GAREM1: variants seen among roughly 807,000 people sequenced by gnomAD.
The protein encoded by GAREM1 is GRB2 associated regulator of MAPK1 subtype 1.
GAREM1 carries 26 observed loss-of-function variants against 71.3 expected under a neutral mutation model. The observed-to-expected ratio is 0.36, with a 90% CI of 0.27 to 0.51. The LOEUF (loss-of-function observed/expected upper bound fraction) is 0.51. GAREM1 is among the 20% of genes least tolerant of loss of function. The probability of loss-of-function intolerance (pLI) is 0.95; values close to 1 mark genes in which losing one functional copy is unlikely to be tolerated. For missense variants in GAREM1, 1,026 were observed against 1,103.1 expected (o/e 0.93, Z 0.99); for synonymous variants, 440 against 433.2 (o/e 1.02, Z -0.20).
rs773300195 is a variant in GAREM1, at chr18:32,343,807, T to G, written c.263-33484A>C. On this transcript the variant is annotated intron_variant, in intron 2 of 5. Coordinates refer to ENST00000269209, the MANE Select transcript of GAREM1 (RefSeq NM_001242409.2). ...TCTAGATCCATGTGAGCAGTCAGAA[T>G]GGACATCTGAGTGTCAGTAAGCCAC... Among the ~76,000 whole-genome samples the G allele has an allele frequency of 3.4e-4, 52 of 152,206 alleles. 1 individual carries two copies. Among genetic ancestry groups the G allele is most frequent in the Admixed American group, 2.0e-4 (3 of 15,284 alleles).
intron 3 of GAREM1, among the ~76,000 whole-genome samples, chr18:32,297,437 TG>T (rs2047153546): frequency 6.6e-6 from 1 of 152,240 alleles, no homozygotes; most frequent in South Asian, 2.1e-4. Context: ...TCTCAATAAA[TG>T]GAGGCCATCG....
rs1423133686 is a variant in GAREM1, at chr18:32,270,210, G to C, written c.1733+7C>G. ...AGCGTGCAGTGGGACCTGGCAGGAA[G>C]ACTTACATGTTGTGTAGCCCTGAAG... On this transcript the variant is annotated splice_region_variant and intron_variant, in intron 5 of 5. Coordinates refer to ENST00000269209, the MANE Select transcript of GAREM1 (RefSeq NM_001242409.2). 1.2e-6 allele frequency: 2 copies of C among 1,613,532 alleles called. No homozygotes were observed. Among genetic ancestry groups the C allele is most frequent in the South Asian group, 2.2e-5 (2 of 90,832 alleles).
chr18:32,380,683 A>G (rs1469495593), intron 2 of GAREM1, among the ~76,000 whole-genome samples: 12 of 152,250 alleles, frequency 7.9e-5, no homozygotes, highest in African/African-American at 2.4e-4. Flanking sequence ...TGTCCTGTGC[A>G]GTGCAGGATG....
intron 1 of GAREM1, among the ~76,000 whole-genome samples, chr18:32,449,282 A>G (rs911952988): frequency 1.3e-5 from 2 of 152,254 alleles, no homozygotes; most frequent in African/African-American, 4.8e-5. Context: ...GTTTGGGGGA[A>G]TATGGAAGAG....
intron 1 of GAREM1, among the ~76,000 whole-genome samples, chr18:32,423,273 C>T (rs978680280): frequency 6.6e-6 from 1 of 152,148 alleles, no homozygotes; most frequent in African/African-American, 2.4e-5. Flanking sequence ...TAAATGAGAA[C>T]ATCAGTGAGA....
chr18:32,393,557 C>T (rs2048223603), intron 1 of GAREM1, among the ~76,000 whole-genome samples: 1 of 152,076 alleles, frequency 6.6e-6, no homozygotes, highest in South Asian at 2.1e-4. Flanking sequence ...TTAATCACCA[C>T]AATAAAGCTA....
chr18:32,301,481 C>T (rs1598943157), intron 3 of GAREM1, among the ~76,000 whole-genome samples: 1 of 151,702 alleles, frequency 6.6e-6, no homozygotes, highest in East Asian at 1.9e-4. Flanking sequence ...AGCCAACCAA[C>T]CATTTGCTGA....
intron 1 of GAREM1, among the ~76,000 whole-genome samples, chr18:32,445,511 G>C (rs1406126344): frequency 6.6e-6 from 1 of 152,050 alleles, no homozygotes; most frequent in Non-Finnish European, 1.5e-5. Flanking sequence ...TTTAAAAAGA[G>C]AGAGAAAATA....
intron 2 of GAREM1, among the ~76,000 whole-genome samples, chr18:32,367,491 T>C (rs979804047): frequency 2.6e-5 from 4 of 152,222 alleles, no homozygotes; most frequent in Admixed American, 1.3e-4. Context: ...CCAAACTCCA[T>C]TGATTTATAG....
In GAREM1 at chr18:32,268,634, C is replaced by T. The variant is rs151175832; in HGVS notation, c.1868G>A (p.Arg623Gln). 170 of 1,613,980 alleles carry T rather than the reference C, an allele frequency of 1.1e-4. 1 individual carries two copies. The highest frequency in any genetic ancestry group is 6.7e-5 in the African/African-American group (5 of 74,894). Residue 623 changes from arginine (R) to glutamine (Q), a missense_variant, in exon 6 of 6, where the codon CGG becomes CAG. Coordinates refer to ENST00000269209, the MANE Select transcript of GAREM1 (RefSeq NM_001242409.2). ...GSPSAEAVSS[R>Q]LSWPNHYSGA... ...TGAATAATGGTTAGGCCATGAGAGCCGAGAGGACACAGCTTCAGCAGAAGG... is the reference window on the plus strand; with the variant it reads ...TGAATAATGGTTAGGCCATGAGAGCTGAGAGGACACAGCTTCAGCAGAAGG...
chr18:32,402,828 A>G (rs767677340), intron 1 of GAREM1, among the ~76,000 whole-genome samples: 44 of 152,128 alleles, frequency 2.9e-4, no homozygotes, highest in Non-Finnish European at 5.3e-4. Context: ...CTGAGGGTCA[A>G]TTATGTTCTA....
chr18:32,387,738 T>G (rs766262239), intron 2 of GAREM1, among the ~76,000 whole-genome samples: 5 of 152,222 alleles, frequency 3.3e-5, no homozygotes, highest in Non-Finnish European at 7.3e-5. Context: ...AATAAGGAGA[T>G]TCTTGTCACC....
At chr18:32,382,843 C>T (rs191812746) in intron 2 of GAREM1, among the ~76,000 whole-genome samples, 9 of 151,920 alleles carry the variant, frequency 5.9e-5, no homozygotes, top group Admixed American at 5.2e-4. Flanking sequence ...GAGGAAAGGA[C>T]CCTAGGTGGA....
chr18:32,364,035 T>G (rs1297571006), intron 2 of GAREM1, among the ~76,000 whole-genome samples: 23 of 93,134 alleles, frequency 2.5e-4, no homozygotes, highest in Admixed American at 6.4e-4. Context: ...TATGTTTTTT[T>G]TTTTTTTTTT....
chr18:32,399,991 C>T (rs545263004), intron 1 of GAREM1, among the ~76,000 whole-genome samples: 1 of 152,150 alleles, frequency 6.6e-6, no homozygotes, highest in South Asian at 2.1e-4. Flanking sequence ...ACCAATGGAA[C>T]AGAACAGAGC....
intron 2 of GAREM1, among the ~76,000 whole-genome samples, chr18:32,371,974 AGTTATGAAGTAAATGAGAG>A (rs1378842272): frequency 6.6e-6 from 1 of 152,330 alleles, no homozygotes; most frequent in East Asian, 1.9e-4. Flanking sequence ...GACCACAATG[AGTTATGAAGTAAATGAGAG>A]GTTATGAAGT....
intron 2 of GAREM1, among the ~76,000 whole-genome samples, chr18:32,346,616 G>T (rs997533402): frequency 1.3e-5 from 2 of 152,162 alleles, no homozygotes; most frequent in African/African-American, 4.8e-5. Context: ...AGAACAAATG[G>T]TTTACTGTTC....
At chr18:32,322,810 A>G (rs1167277468) in intron 2 of GAREM1, among the ~76,000 whole-genome samples, 3 of 152,196 alleles carry the variant, frequency 2.0e-5, no homozygotes, top group African/African-American at 7.2e-5. Flanking sequence ...GTTGATTACC[A>G]GAGTCTATTC....
intron 2 of GAREM1, among the ~76,000 whole-genome samples, chr18:32,352,470 G>A (rs1375157579): frequency 3.9e-5 from 6 of 152,160 alleles, no homozygotes; most frequent in African/African-American, 1.4e-4. Flanking sequence ...TGCCATGAGA[G>A]GGGATGGAGA....
Sources: allele counts gnomAD v4.1 joint callset (sites outside exome capture counted in the v4.1 genomes callset), GRCh38; gene constraint gnomAD v4.1.1; transcripts MANE v1.5; gene names NCBI Gene and HGNC (gene_info 2026-07-23, HGNC 2026-07-21).